The following SCLY variants were observed in gnomAD, a reference collection of about 807,000 sequenced individuals.
The protein encoded by SCLY is putative selenocysteine lyase.
A neutral mutation model predicts 50.1 loss-of-function variants in SCLY; 38 were observed. The observed-to-expected ratio is 0.76, with a 90% CI of 0.59 to 0.99. SCLY has a LOEUF of 0.99. Ranked by LOEUF, SCLY falls within the 50% of genes least tolerant of loss-of-function variation. The pLI is 0.00. For synonymous variants in SCLY, 243 were observed against 249.4 expected, an observed-to-expected ratio of 0.97 and a Z score of 0.24; for missense variants, 600 against 620.0, an observed-to-expected ratio of 0.97 and a Z score of 0.34.
intron 9 of SCLY, 57 bp from the exon 10 acceptor site, chr2:238,094,363 G>A (rs992719498): frequency 5.0e-6 from 7 of 1,403,022 alleles, no homozygotes; most frequent in Non-Finnish European, 7.0e-6. Flanking sequence ...ATTTCAAACA[G>A]TTGCTGGTGG....
At chr2:238,077,829 A>G (rs1454657899) in intron 4 of SCLY, among the ~76,000 whole-genome samples, 1 of 152,144 alleles carries the variant, frequency 6.6e-6, no homozygotes, top group East Asian at 1.9e-4. Context: ...CTTGAACATC[A>G]CACAGCATCT....
chr2:238,098,322 G>GCAGGCCGTGGCGCAGCTGGAGGAC lies in SCLY; in HGVS notation c.1312_1335dup (p.Val438_Ala445dup). 6.2e-7 allele frequency: 1 copy of GCAGGCCGTGGCGCAGCTGGAGGAC among 1,604,878 alleles called. No homozygotes were observed. Among genetic ancestry groups the GCAGGCCGTGGCGCAGCTGGAGGAC allele is most frequent in the Non-Finnish European group, 8.5e-7 (1 of 1,178,506 alleles). On this transcript the variant is annotated inframe_insertion, in exon 12 of 12. Coordinates refer to ENST00000254663, the MANE Select transcript of SCLY (RefSeq NM_016510.7). ...TGGACCTCGTCGTGCAGGACCTGAA[G>GCAGGCCGTGGCGCAGCTGGAGGAC]CAGGCCGTGGCGCAGCTGGAGGACC...
rs1559254759 is a variant in SCLY, at chr2:238,098,633, G to GAACCGCCCACATAGGACCGCCCACATA, written c.*278_*279insAACCGCCCACATAGGACCGCCCACATA. ...ACCGCCCACATGGGACCGCCCACAT[G>GAACCGCCCACATAGGACCGCCCACATA]GGACCGCCCACATGGGACCGCCCAC... On this transcript the variant is annotated 3_prime_UTR_variant, in exon 12 of 12. Transcript: ENST00000254663. 2 of 230,682 alleles carry GAACCGCCCACATAGGACCGCCCACATA rather than the reference G, an allele frequency of 8.7e-6. No homozygotes were observed. Among genetic ancestry groups the GAACCGCCCACATAGGACCGCCCACATA allele is most frequent in the Non-Finnish European group, 7.9e-6 (1 of 125,862 alleles). The allele number at this position is 230,682 out of a possible 1,614,324, so 14.3% of individuals were successfully genotyped here.
intron 4 of SCLY, chr2:238,080,688 C>T (rs1405711228): frequency 6.6e-6 from 1 of 152,328 alleles, no homozygotes; most frequent in Non-Finnish European, 1.5e-5. Flanking sequence ...TGCCCGCCCT[C>T]TCTGGGCGTG....
At position 238,098,218 on chromosome 2, in the gene SCLY, C is replaced by T; in HGVS notation, c.1201C>T (p.Leu401=). The change falls in exon 12 of 12, where the codon CTG becomes TTG. Residue 401 remains leucine (L), a synonymous_variant. Transcript: ENST00000254663. ...DHGDQPSPVL[L]SYGVPFDVAR... Reference sequence around the variant, plus strand: ...CCTCCCCAGGCCGTCCCCAGTGCTGCTGAGCTACGGTGTCCCCTTCGACGT... The same window carrying T: ...CCTCCCCAGGCCGTCCCCAGTGCTGTTGAGCTACGGTGTCCCCTTCGACGT... 1 of 1,610,818 alleles carries T rather than the reference C, an allele frequency of 6.2e-7. No homozygotes were observed.
Position 238,093,915 on chromosome 2 carries a change from G to A in SCLY, c.976G>A (p.Val326Ile), listed in dbSNP as rs77553822. The A allele has an allele frequency of 3.1e-3, 5,063 of 1,613,928 alleles. 143 individuals are homozygous for A. In the African/African-American group the frequency reaches 0.058, roughly 18 times the overall value. Reference protein sequence around the residue: ...CEAYEAHMRDVRDYLEERLEA... With the variant: ...CEAYEAHMRDIRDYLEERLEA... ...GGCTTATGAGGCCCACATGAGGGAC[G>A]TCCGCGACTACCTGGAAGAGAGGCT... is the stretch of plus-strand genomic sequence containing the variant. The change falls in exon 9 of 12, where the codon GTC (valine) becomes ATC (isoleucine). Residue 326 changes from valine to isoleucine, a missense_variant. Coordinates refer to ENST00000254663, the MANE Select transcript of SCLY (RefSeq NM_016510.7).
At chr2:238,091,339 G>A (rs1379360969) in intron 8 of SCLY, 85 bp downstream of exon 8, 1 of 1,093,782 alleles carries the variant, frequency 9.1e-7, no homozygotes, top group African/African-American at 1.5e-5. Flanking sequence ...TGGGGCTTTA[G>A]GGAGATCATA....
intron 7 of SCLY, among the ~76,000 whole-genome samples, chr2:238,084,568 G>A (rs1362199966): frequency 1.7e-5 from 2 of 118,778 alleles, no homozygotes; most frequent in Admixed American, 1.2e-4. Flanking sequence ...TTCAGTCTGG[G>A]TGACAGAACA....
intron 10 of SCLY, chr2:238,096,050 G>C (rs575150185): frequency 8.6e-5 from 13 of 151,400 alleles, no homozygotes; most frequent in African/African-American, 3.3e-4. Flanking sequence ...TGGGATTACA[G>C]GTGCCTGCCA....
intron 4 of SCLY, among the ~76,000 whole-genome samples, chr2:238,074,471 G>GTTAGC (rs1354570195): frequency 6.6e-6 from 1 of 151,992 alleles, no homozygotes; most frequent in East Asian, 1.9e-4. Flanking sequence ...AGTTTTAATT[G>GTTAGC]TTAGTTTAGT....
rs754095109 is a variant in SCLY at position 238,064,489 on chromosome 2, G to GT, written c.202+21dup. On this transcript the variant is annotated intron_variant, in intron 2 of 11. Coordinates refer to ENST00000254663, the MANE Select transcript of SCLY (RefSeq NM_016510.7). ...CAGCAGGTAATTCTAGAAGATGCAC[G>GT]TGTTCACTGATGGGAGATAATGGGG... 1 of 1,550,628 alleles carries GT rather than the reference G, an allele frequency of 6.4e-7. No individual in the cohort carries two copies. The highest frequency in any genetic ancestry group is 1.2e-5 in the South Asian group (1 of 86,716).
rs1559254799 is a variant in SCLY, at chr2:238,098,635, G to GAACGCCCACATGGGAACGCCCACATAGA, written c.*281_*282insACGCCCACATGGGAACGCCCACATAGAA. ...CGCCCACATGGGACCGCCCACATGGGACCGCCCACATGGGACCGCCCACAT... is the reference window on the plus strand; with the variant it reads ...CGCCCACATGGGACCGCCCACATGGGAACGCCCACATGGGAACGCCCACATAGAACCGCCCACATGGGACCGCCCACAT... On this transcript the variant is annotated 3_prime_UTR_variant, in exon 12 of 12. Coordinates refer to ENST00000254663, the MANE Select transcript of SCLY (RefSeq NM_016510.7). 100 of 276,912 alleles carry GAACGCCCACATGGGAACGCCCACATAGA rather than the reference G, an allele frequency of 3.6e-4. 4 individuals carry two copies. Among genetic ancestry groups the GAACGCCCACATGGGAACGCCCACATAGA allele is most frequent in the Non-Finnish European group, 4.6e-4 (74 of 160,976 alleles). 17.2% of individuals were successfully genotyped at this position (276,912 alleles called of 1,614,324 possible).
intron 11 of SCLY, 107 bp downstream of exon 11, chr2:238,096,983 A>G: frequency 8.9e-7 from 1 of 1,118,618 alleles, no homozygotes; most frequent in South Asian, 1.6e-5. Context: ...TGGCTGGTGA[A>G]GGACAGCCCT....
At chr2:238,090,585 A>G (rs2065351322) in intron 7 of SCLY, among the ~76,000 whole-genome samples, 1 of 152,224 alleles carries the variant, frequency 6.6e-6, no homozygotes, top group Admixed American at 6.5e-5. Flanking sequence ...GGATGCAGTG[A>G]GTCGAGATCC....
chr2:238,098,590 T>TGGG lies in SCLY; in HGVS notation c.*235_*236insGGG, dbSNP rs1559254426. On this transcript the variant is annotated 3_prime_UTR_variant, in exon 12 of 12. Coordinates refer to ENST00000254663, the MANE Select transcript of SCLY (RefSeq NM_016510.7). ...GACTGCCCACATGGGACCGCCCACA[T>TGGG]AGGACCGCCCACATAGGACCGCCCA... 1.6e-3 allele frequency: 655 copies of TGGG among 422,274 alleles called. 36 individuals carry two copies. The highest frequency in any genetic ancestry group is 5.2e-3 in the East Asian group (117 of 22,602). 26.2% of individuals were successfully genotyped at this position (422,274 alleles called of 1,614,324 possible). A position where few individuals can be genotyped will look rare whatever the true frequency, so the allele number is the denominator to read the frequency against.
Position 238,093,897 on chromosome 2 carries a change from G to A in SCLY, c.958G>A (p.Glu320Lys). The A allele has an allele frequency of 6.2e-7, 1 of 1,614,110 alleles. No individual in the cohort carries two copies. Among genetic ancestry groups the A allele is most frequent in the African/African-American group, 1.3e-5 (1 of 75,072 alleles). ...ELVTQNCEAY[E>K]AHMRDVRDYL... ...GGTGACCCAGAACTGCGAGGCTTATGAGGCCCACATGAGGGACGTCCGCGA... is the reference window on the plus strand; with the variant it reads ...GGTGACCCAGAACTGCGAGGCTTATAAGGCCCACATGAGGGACGTCCGCGA... Residue 320 changes from glutamate to lysine, a missense_variant, in exon 9 of 12, where the codon GAG becomes AAG. Physicochemically the swap from Glu to Lys is moderately conservative, Grantham distance 56. Transcript: ENST00000254663.
chr2:238,063,008 T>G (rs1241716304), intron 1 of SCLY, among the ~76,000 whole-genome samples: 1 of 152,200 alleles, frequency 6.6e-6, no homozygotes, highest in Admixed American at 6.5e-5. Flanking sequence ...TGTCATCTTA[T>G]AAAAATCAGG....
At chr2:238,091,783 A>G (rs547059058) in intron 8 of SCLY, 9 of 162,824 alleles carry the variant, frequency 5.5e-5, no homozygotes, top group African/African-American at 1.9e-4. Flanking sequence ...ACCTTCAAGC[A>G]ACCCTCCATG....
rs1392354901 is a variant in SCLY, at chr2:238,066,492, T to C, written c.203-1573T>C. ...ATGAAGCACGGTGCCCAAAATGTAT[T>C]TGGGTTTTCGAGGCATTACTTTGTC... On this transcript the variant is annotated intron_variant, in intron 2 of 11. Coordinates refer to ENST00000254663, the MANE Select transcript of SCLY (RefSeq NM_016510.7). The surrounding 1 kb of genome is among the most constrained non-coding windows in gnomAD (Gnocchi z 4.1). Among the ~76,000 whole-genome samples the C allele has an allele frequency of 1.3e-5, 2 of 152,102 alleles. No homozygotes were observed.
Sources: allele counts gnomAD v4.1 joint callset (sites outside exome capture counted in the v4.1 genomes callset), GRCh38; gene constraint gnomAD v4.1.1; non-coding constraint Gnocchi (gnomAD v3.1); transcripts MANE v1.5; gene names NCBI Gene and HGNC (gene_info 2026-07-23, HGNC 2026-07-21).